Variants in TENM3 observed in about 807,000 individuals in gnomAD.
TENM3 encodes teneurin-3.
Under a neutral mutation model 255.1 loss-of-function variants are expected in TENM3, and 63 were observed. The ratio of observed to expected loss-of-function variants is 0.25; its 90% CI spans 0.20 to 0.30. The LOEUF (loss-of-function observed/expected upper bound fraction) is 0.30. Among genes scored for constraint, TENM3 ranks in the 10% least tolerant of loss-of-function variants. TENM3 has a pLI of 1.00. For synonymous variants in TENM3, 1,306 were observed against 1,322.3 expected (o/e 0.99, Z 0.27); for missense variants, 2,929 against 3,461.1 (o/e 0.85, Z 3.86).
the TENM3 span, among the ~76,000 whole-genome samples, chr4:182,076,949 T>C: frequency 6.6e-6 from 1 of 152,198 alleles, no homozygotes; most frequent in Non-Finnish European, 1.5e-5. Context: ...CTTCTTGCTA[T>C]TATTATATAA....
At chr4:182,645,304 A>G (rs1015191355) in intron 5 of TENM3, among the ~76,000 whole-genome samples, 2 of 152,044 alleles carry the variant, frequency 1.3e-5, no homozygotes, top group Non-Finnish European at 1.5e-5. Context: ...CCAGTCAGGA[A>G]AGAATTCAGT....
intron 3 of TENM3, among the ~76,000 whole-genome samples, chr4:182,542,879 TAA>T (rs1741023541): frequency 6.6e-6 from 1 of 152,170 alleles, no homozygotes; most frequent in South Asian, 2.1e-4. Flanking sequence ...AACTATGCAT[TAA>T]GCTGTTGAAT....
chr4:182,271,643 G>A (rs368102975), intron 1 of TENM3, among the ~76,000 whole-genome samples: 11 of 152,256 alleles, frequency 7.2e-5, no homozygotes, highest in African/African-American at 2.2e-4. Context: ...CCTTTGTCTC[G>A]GAACCTCAAT....
chr4:182,622,157 C>T (rs1445718205), intron 4 of TENM3, among the ~76,000 whole-genome samples: 1 of 151,846 alleles, frequency 6.6e-6, no homozygotes, highest in African/African-American at 2.4e-5. Flanking sequence ...GTCAGGAGTT[C>T]GAGACCAGCC....
At chr4:182,156,849 A>C (rs1012935902) in intron 1 of TENM3, among the ~76,000 whole-genome samples, 1 of 152,120 alleles carries the variant, frequency 6.6e-6, no homozygotes, top group African/African-American at 2.4e-5. Flanking sequence ...CTTGTGTCCA[A>C]GTGGCTGTGT....
chr4:181,711,009 A>T, the TENM3 span, among the ~76,000 whole-genome samples: 1 of 152,142 alleles, frequency 6.6e-6, no homozygotes, highest in Non-Finnish European at 1.5e-5. Flanking sequence ...TACTAAATTT[A>T]AGTAAATATA....
the TENM3 span, among the ~76,000 whole-genome samples, chr4:181,851,959 A>C: frequency 6.6e-6 from 1 of 152,194 alleles, no homozygotes; most frequent in African/African-American, 2.4e-5. Flanking sequence ...CTCCAAAGCC[A>C]CTTGCCTACC....
chr4:181,941,142 A>G, the TENM3 span, among the ~76,000 whole-genome samples: 1 of 152,316 alleles, frequency 6.6e-6, no homozygotes, highest in East Asian at 1.9e-4. Context: ...GAGTTTGGAA[A>G]TATTTACTCC....
intron 13 of TENM3, among the ~76,000 whole-genome samples, chr4:182,720,265 A>G (rs1270243426): frequency 6.6e-6 from 1 of 151,864 alleles, no homozygotes; most frequent in African/African-American, 2.4e-5. Context: ...AAAATCTAGC[A>G]AGAAGGTGGG....
intron 1 of TENM3, among the ~76,000 whole-genome samples, chr4:182,175,809 G>A (rs1414876727): frequency 6.6e-6 from 1 of 152,154 alleles, no homozygotes; most frequent in East Asian, 1.9e-4. Context: ...AAGCCAACAC[G>A]CTTTTGCATG....
At chr4:181,704,305 T>TG in the TENM3 span, among the ~76,000 whole-genome samples, 2 of 152,200 alleles carry the variant, frequency 1.3e-5, no homozygotes, top group Admixed American at 1.3e-4. Context: ...CTCCTGATTC[T>TG]GCCTTGCAAA....
chr4:182,452,196 A>G (rs1773516362), intron 3 of TENM3, among the ~76,000 whole-genome samples: 1 of 152,256 alleles, frequency 6.6e-6, no homozygotes, highest in Admixed American at 6.5e-5. Flanking sequence ...CTTGAGAAAT[A>G]GGATGTTCTT....
intron 3 of TENM3, among the ~76,000 whole-genome samples, chr4:182,557,574 T>C (rs930148427): frequency 7.9e-5 from 12 of 152,186 alleles, no homozygotes; most frequent in African/African-American, 2.9e-4. Context: ...GTCTTTTTTA[T>C]TGATGAATTT....
the TENM3 span, among the ~76,000 whole-genome samples, chr4:181,645,817 A>G: frequency 3.6e-4 from 55 of 152,344 alleles, no homozygotes; most frequent in African/African-American, 1.2e-3. Flanking sequence ...GAAATTATAC[A>G]TCTGTGAGTT....
At position 182,738,544 on chromosome 4, in the gene TENM3, G is replaced by A. The variant is rs780299815; in HGVS notation, c.3379G>A (p.Gly1127Ser). 3.1e-6 allele frequency: 5 copies of A among 1,607,718 alleles called. No homozygotes were observed. Among genetic ancestry groups the A allele is most frequent in the East Asian group, 2.2e-5 (1 of 44,562 alleles). Residue 1127 changes from glycine (G) to serine (S), a missense_variant and splice_region_variant, in exon 18 of 28, where the codon GGT becomes AGT. Gly to Ser is a moderately conservative substitution (Grantham distance 56). This residue lies in a region of TENM3 where 1,608 missense variants were observed against 1,884.4 expected (regional missense o/e 0.85). Coordinates refer to ENST00000511685, the MANE Select transcript of TENM3 (RefSeq NM_001080477.4). The part of the protein sequence containing the change: ...DKHHVLDVQN[G>S]ILYKGNGENQ... ...ACATCACGTGCTGGATGTACAGAAC[G>A]GTAAGCTCTTGTTCATAGATAACTG...
At chr4:181,454,603 T>G in the TENM3 span, among the ~76,000 whole-genome samples, 1 of 147,598 alleles carries the variant, frequency 6.8e-6, no homozygotes, top group African/African-American at 2.5e-5. Context: ...ACAATTTTTT[T>G]TTTTTAACCA....
At chr4:181,448,263 T>G in the TENM3 span, among the ~76,000 whole-genome samples, 1 of 137,272 alleles carries the variant, frequency 7.3e-6, no homozygotes, top group Non-Finnish European at 1.5e-5. Context: ...GCCTCCCGGG[T>G]TCACGCCATT....
At chr4:182,570,230 G>T (rs1038378344) in intron 3 of TENM3, among the ~76,000 whole-genome samples, 21 of 152,128 alleles carry the variant, frequency 1.4e-4, no homozygotes, top group African/African-American at 4.1e-4. Flanking sequence ...TACATTTGAT[G>T]GGGAAAGGGT....
intron 1 of TENM3, among the ~76,000 whole-genome samples, chr4:182,320,174 G>A (rs1301116486): frequency 6.6e-6 from 1 of 152,090 alleles, no homozygotes; most frequent in Non-Finnish European, 1.5e-5. Context: ...TTTACACACT[G>A]TTTTCTCTAA....
Sources: allele counts gnomAD v4.1 joint callset (sites outside exome capture counted in the v4.1 genomes callset), GRCh38; gene constraint gnomAD v4.1.1; regional missense constraint gnomAD v4.1.1; transcripts MANE v1.5; gene names NCBI Gene and HGNC (gene_info 2026-07-23, HGNC 2026-07-21).